Variants in PRKCQ observed in about 807,000 individuals in gnomAD.
PRKCQ encodes protein kinase C theta.
Under a neutral mutation model 91.2 loss-of-function variants are expected in PRKCQ, and 41 were observed. The ratio of observed to expected loss-of-function variants is 0.45; its 90% confidence interval spans 0.35 to 0.58. PRKCQ has a LOEUF of 0.58. Ranked by LOEUF, PRKCQ falls within the 20% of genes least tolerant of loss-of-function variation. The pLI is 0.00. For missense variants in PRKCQ, 673 were observed against 896.5 expected, an observed-to-expected ratio of 0.75 and a Z score of 3.18; for synonymous variants, 307 against 316.9, an observed-to-expected ratio of 0.97 and a Z score of 0.33.
In PRKCQ at chr10:6,576,894, G is replaced by C. The variant is rs1841258632; in HGVS notation, c.-10+3317C>G. ...CTCAGTTTCCTCATCTGAAAAACTG[G>C]AATAATAATAATATCTAATTTATAA... On this transcript the variant is annotated intron_variant, in intron 1 of 17. Transcript: ENST00000263125. This position sits in a 1 kb window ranked among gnomAD's most constrained non-coding sequence, Gnocchi z 4.2. Among the ~76,000 whole-genome samples, 1 of 151,964 alleles carries C rather than the reference G, an allele frequency of 6.6e-6. No individual in the cohort carries two copies. Among genetic ancestry groups the C allele is most frequent in the Non-Finnish European group, 1.5e-5 (1 of 67,996 alleles).
chr10:6,481,762 C>A (rs1377985418), intron 11 of PRKCQ, among the ~76,000 whole-genome samples: 1 of 152,166 alleles, frequency 6.6e-6, no homozygotes, highest in Non-Finnish European at 1.5e-5. Context: ...CCTTTGGCTG[C>A]ACAGATTCAT....
chr10:6,511,126 G>T lies in PRKCQ; in HGVS notation c.187C>A (p.His63Asn). The change falls in exon 3 of 18, where the codon CAT becomes AAT. Residue 63 changes from histidine (H) to asparagine (N), a missense_variant. By Grantham distance (68) the His-to-Asn change is moderately conservative. Coordinates refer to ENST00000263125, the MANE Select transcript of PRKCQ (RefSeq NM_006257.5). ...YPPWDSTFDAHINKGRVMQII... is the reference protein window; with the variant it reads ...YPPWDSTFDANINKGRVMQII... ...TGCATGACTCTTCCCTTGTTGATATGGGCATCAAAAGTGCTGTCCCAGGGT... is the reference window on the plus strand; with the variant it reads ...TGCATGACTCTTCCCTTGTTGATATTGGCATCAAAAGTGCTGTCCCAGGGT... 6.2e-7 allele frequency: 1 copy of T among 1,614,060 alleles called. No homozygotes were observed. Among genetic ancestry groups the T allele is most frequent in the Non-Finnish European group, 8.5e-7 (1 of 1,180,014 alleles).
At chr10:6,500,372 T>C (rs1403719039) in intron 4 of PRKCQ, among the ~76,000 whole-genome samples, 2 of 151,924 alleles carry the variant, frequency 1.3e-5, no homozygotes, top group East Asian at 1.9e-4. Context: ...AAATCATATA[T>C]GTTTATATGT....
At chr10:6,423,884 G>A (rs116713209), downstream of PRKCQ, among the ~76,000 whole-genome samples, 2,997 of 152,188 alleles carry the variant, frequency 0.02, 116 homozygotes, top group African/African-American at 0.069. Flanking sequence ...AGGCATTCTC[G>A]TGTGCCAGGC....
intron 10 of PRKCQ, 145 bp downstream of exon 10, chr10:6,485,007 A>G: frequency 1.4e-6 from 1 of 691,668 alleles, no homozygotes; most frequent in Non-Finnish European, 2.5e-6. Context: ...TTTCTTTTCT[A>G]AGAAGTGGGA....
At chr10:6,578,894 G>A (rs1841341285) in intron 1 of PRKCQ, among the ~76,000 whole-genome samples, 1 of 152,178 alleles carries the variant, frequency 6.6e-6, no homozygotes, top group Non-Finnish European at 1.5e-5. Context: ...ACAAGGTCGG[G>A]GTGTGGGGTG....
intron 1 of PRKCQ, among the ~76,000 whole-genome samples, chr10:6,534,727 CAA>C (rs1350638769): frequency 1.2e-4 from 17 of 146,602 alleles, no homozygotes; most frequent in Non-Finnish European, 2.1e-4. Context: ...CTTATTGAAA[CAA>C]AGATATTTAC....
chr10:6,518,959 G>T (rs1307185984), intron 1 of PRKCQ, among the ~76,000 whole-genome samples: 1 of 152,178 alleles, frequency 6.6e-6, no homozygotes, highest in Admixed American at 6.5e-5. Flanking sequence ...ATACAATGCT[G>T]CTGGGTATGT....
chr10:6,577,150 T>G (rs369057680), intron 1 of PRKCQ, among the ~76,000 whole-genome samples: 13 of 152,306 alleles, frequency 8.5e-5, no homozygotes, highest in African/African-American at 3.1e-4. Flanking sequence ...GCTAATTTAA[T>G]CCAGGAGCAA....
At chr10:6,485,042 G>A in intron 10 of PRKCQ, 110 bp downstream of exon 10, 1 of 907,546 alleles carries the variant, frequency 1.1e-6, no homozygotes, top group Non-Finnish European at 1.7e-6. Flanking sequence ...AGCTGGAGGT[G>A]GATCACCTAT....
chr10:6,563,909 G>A lies in PRKCQ; in HGVS notation c.-10+16302C>T, dbSNP rs138501804. On this transcript the variant is annotated intron_variant, in intron 1 of 17. Coordinates refer to ENST00000263125, the MANE Select transcript of PRKCQ (RefSeq NM_006257.5). ...CTGTCCATGTGCACAGCATGCCAGG[G>A]CACGCAGAGGAGGGACACCTTGACA... Among the ~76,000 whole-genome samples the A allele has an allele frequency of 4.2e-3, 639 of 152,298 alleles. 9 individuals carry two copies. The highest frequency in any genetic ancestry group is 0.014 in the African/African-American group (593 of 41,562).
intron 12 of PRKCQ, among the ~76,000 whole-genome samples, chr10:6,472,263 G>A (rs1277031830): frequency 2.6e-5 from 4 of 152,032 alleles, no homozygotes; most frequent in African/African-American, 4.8e-5. Context: ...AGCCGAGATC[G>A]CACCACTGCA....
At chr10:6,550,196 A>G (rs1436047053) in intron 1 of PRKCQ, among the ~76,000 whole-genome samples, 1 of 152,204 alleles carries the variant, frequency 6.6e-6, no homozygotes, top group Non-Finnish European at 1.5e-5. Flanking sequence ...TTCACCTAAC[A>G]TAATTTCCTC....
chr10:6,442,221 G>A, intron 15 of PRKCQ, 140 bp from the exon 16 acceptor site: 5 of 823,010 alleles, frequency 6.1e-6, no homozygotes, highest in Non-Finnish European at 9.0e-6. Flanking sequence ...CCCATCTCTT[G>A]GGAAGCCAAT....
intron 1 of PRKCQ, among the ~76,000 whole-genome samples, chr10:6,542,276 G>A (rs1839803872): frequency 6.6e-6 from 1 of 152,200 alleles, no homozygotes. Context: ...GTGCTGACTT[G>A]CCAGGCTCAG....
chr10:6,459,680 A>T (rs1408482961), intron 14 of PRKCQ, among the ~76,000 whole-genome samples: 1 of 152,238 alleles, frequency 6.6e-6, no homozygotes, highest in African/African-American at 2.4e-5. Context: ...TGGGGGCAAG[A>T]GAAGGCCATG....
At chr10:6,433,400 A>G (rs150969948) in intron 16 of PRKCQ, among the ~76,000 whole-genome samples, 3 of 152,284 alleles carry the variant, frequency 2.0e-5, no homozygotes, top group Admixed American at 1.3e-4. Flanking sequence ...TGACATATCT[A>G]TTCCTTACAG....
At chr10:6,562,761 T>C (rs1840682350) in intron 1 of PRKCQ, among the ~76,000 whole-genome samples, 2 of 152,206 alleles carry the variant, frequency 1.3e-5, no homozygotes. Flanking sequence ...ATGGTAGCTC[T>C]GTGGCTTTAA....
intron 5 of PRKCQ, 41 bp downstream of exon 5, chr10:6,498,355 G>A: frequency 6.2e-7 from 1 of 1,604,420 alleles, no homozygotes; most frequent in South Asian, 1.1e-5. Flanking sequence ...GCAACAAAAT[G>A]CATAACCCGA....
Sources: gnomAD v4.1 joint callset for allele counts (sites outside exome capture counted in the v4.1 genomes callset) on GRCh38, gnomAD v4.1.1 for gene constraint, Gnocchi (gnomAD v3.1) non-coding constraint, MANE v1.5 for transcripts, NCBI Gene and HGNC (gene_info 2026-07-23, HGNC 2026-07-21) for gene names.